SLC6A2: variants seen among roughly 807,000 people sequenced by gnomAD.
SLC6A2 encodes solute carrier family 6 member 2.
In SLC6A2, 26 loss-of-function variants were observed where a neutral mutation model predicts 71.7. The ratio of observed to expected loss-of-function variants is 0.36; its 90% CI spans 0.27 to 0.50. The LOEUF (loss-of-function observed/expected upper bound fraction) is 0.50. Among genes scored for constraint, SLC6A2 ranks in the 20% least tolerant of loss-of-function variants. SLC6A2 has a pLI of 0.96. For synonymous variants in SLC6A2, 363 were observed against 337.9 expected, an observed-to-expected ratio of 1.07 and a Z score of -0.82; for missense variants, 581 against 803.9, an observed-to-expected ratio of 0.72 and a Z score of 3.35.
At chr16:55,700,797 T>C (rs1965950243) in intron 13 of SLC6A2, among the ~76,000 whole-genome samples, 1 of 152,222 alleles carries the variant, frequency 6.6e-6, no homozygotes, top group South Asian at 2.1e-4. Flanking sequence ...TTTCTTTCTA[T>C]GCATTCTGCA....
At chr16:55,664,924 A>G (rs1432383426) in intron 2 of SLC6A2, among the ~76,000 whole-genome samples, 1 of 152,074 alleles carries the variant, frequency 6.6e-6, no homozygotes, top group South Asian at 2.1e-4. Context: ...CAATACCCGG[A>G]CGGTGGAATT....
intron 9 of SLC6A2, among the ~76,000 whole-genome samples, chr16:55,697,622 T>A (rs2142615766): frequency 1.3e-5 from 2 of 152,272 alleles, no homozygotes; most frequent in East Asian, 3.9e-4. Flanking sequence ...TCAGGCTGAG[T>A]GAGTGTCAGG....
rs573904753 is a variant in SLC6A2 at position 55,702,405 on chromosome 16, T to C, written c.*59T>C. On this transcript the variant is annotated 3_prime_UTR_variant, in exon 15 of 15. Transcript: ENST00000568943. ...CAATGTCCAGGTCACAGGCATCCGCTGCGCTCCCACCTCGGACACCATCTT... is the reference window on the plus strand; with the variant it reads ...CAATGTCCAGGTCACAGGCATCCGCCGCGCTCCCACCTCGGACACCATCTT... 2.5e-6 allele frequency: 4 copies of C among 1,614,060 alleles called. No individual in the cohort carries two copies. Among genetic ancestry groups the C allele is most frequent in the Non-Finnish European group, 3.4e-6 (4 of 1,179,976 alleles).
intron 2 of SLC6A2, among the ~76,000 whole-genome samples, chr16:55,668,391 TG>T (rs1964812512): frequency 6.6e-6 from 1 of 152,228 alleles, no homozygotes; most frequent in African/African-American, 2.4e-5. Context: ...TGTGAGCTGC[TG>T]GTATCCATTG....
At chr16:55,668,333 G>A (rs2142505673) in intron 2 of SLC6A2, among the ~76,000 whole-genome samples, 1 of 152,302 alleles carries the variant, frequency 6.6e-6, no homozygotes, top group Middle Eastern at 3.4e-3. Flanking sequence ...TGATCTTTGT[G>A]GTGAGGATTG....
At chr16:55,687,586 C>A (rs1965495529) in intron 5 of SLC6A2, among the ~76,000 whole-genome samples, 1 of 152,114 alleles carries the variant, frequency 6.6e-6, no homozygotes, top group Non-Finnish European at 1.5e-5. Flanking sequence ...TTCCTGGGTA[C>A]CAGGAGCAGA....
At chr16:55,688,021 G>T (rs879863550) in intron 5 of SLC6A2, among the ~76,000 whole-genome samples, 2 of 152,240 alleles carry the variant, frequency 1.3e-5, no homozygotes, top group Non-Finnish European at 2.9e-5. Context: ...CCCACATTTT[G>T]CATAAGTCCC....
At chr16:55,686,806 G>T (rs1057087439) in intron 5 of SLC6A2, among the ~76,000 whole-genome samples, 1 of 152,208 alleles carries the variant, frequency 6.6e-6, no homozygotes, top group Non-Finnish European at 1.5e-5. Context: ...CTTGGAGAAA[G>T]TCTAGCGTTG....
At chr16:55,698,708 C>T (rs36009) in intron 11 of SLC6A2, 140 bp downstream of exon 11, 62,482 of 712,680 alleles carry the variant, frequency 0.088, 2,991 homozygotes, top group East Asian at 0.17. Flanking sequence ...GAACAAATCT[C>T]AATCCTCGGC....
chr16:55,662,631 G>A (rs1016038606), intron 2 of SLC6A2, among the ~76,000 whole-genome samples: 3 of 152,182 alleles, frequency 2.0e-5, no homozygotes, highest in African/African-American at 7.2e-5. Flanking sequence ...AATCTTCACA[G>A]AGATTTTACT....
chr16:55,691,939 C>A lies in SLC6A2; in HGVS notation c.805C>A (p.Leu269Met). 6.2e-7 allele frequency: 1 copy of A among 1,614,128 alleles called. No homozygotes were observed. Among genetic ancestry groups the A allele is most frequent in the East Asian group, 2.2e-5 (1 of 44,862 alleles). ...SGKVVWITAT[L>M]PYFVLFVLLV... ...CCAGGTGGTGTGGATCACAGCCACGCTGCCTTACTTCGTGCTGTTCGTGCT... is the reference window on the plus strand; with the variant it reads ...CCAGGTGGTGTGGATCACAGCCACGATGCCTTACTTCGTGCTGTTCGTGCT... The change falls in exon 6 of 15, where the codon CTG (leucine) becomes ATG (methionine). Residue 269 changes from leucine to methionine, a missense_variant. By Grantham distance (15) the Leu-to-Met change is conservative (BLOSUM62 2). This residue lies in a region of SLC6A2 where 334 missense variants were observed against 449.0 expected (regional missense o/e 0.74). Coordinates refer to ENST00000568943, the MANE Select transcript of SLC6A2 (RefSeq NM_001172501.3).
rs117353829 is a variant in SLC6A2 at position 55,701,731 on chromosome 16, C to T, written c.1759-132C>T. On this transcript the variant is annotated intron_variant, in intron 13 of 14. Coordinates refer to ENST00000568943, the MANE Select transcript of SLC6A2 (RefSeq NM_001172501.3). ...CAAACAAAGCTGGAGGTGTCTTGTA[C>T]AGACCCCAAATGCTATCCATGTGGG... 748 of 753,594 alleles carry T rather than the reference C, an allele frequency of 9.9e-4. 9 individuals carry two copies. The East Asian group carries it at 0.019, about 19-fold the overall frequency. 46.7% of individuals were successfully genotyped at this position (753,594 alleles called of 1,614,324 possible). A position where few individuals can be genotyped will look rare whatever the true frequency, so the allele number is the denominator to read the frequency against.
chr16:55,691,671 C>T (rs1434787187), intron 5 of SLC6A2, among the ~76,000 whole-genome samples: 3 of 152,128 alleles, frequency 2.0e-5, no homozygotes, highest in South Asian at 2.1e-4. Flanking sequence ...AGTGCTATCC[C>T]CACTGTGGCT....
intron 2 of SLC6A2, among the ~76,000 whole-genome samples, chr16:55,668,954 G>T (rs1964827097): frequency 6.6e-6 from 1 of 152,172 alleles, no homozygotes; most frequent in Non-Finnish European, 1.5e-5. Context: ...CCCTCAGTTT[G>T]CCCTGGGGGT....
At chr16:55,657,088 C>G (rs1387981513) in intron 2 of SLC6A2, 120 bp downstream of exon 2, 1 of 1,129,624 alleles carries the variant, frequency 8.9e-7, no homozygotes, top group South Asian at 1.4e-5. Context: ...AAATCTGGGG[C>G]GCAGAAAGAA....
At chr16:55,681,682 C>T (rs1192810042) in intron 4 of SLC6A2, among the ~76,000 whole-genome samples, 1 of 152,204 alleles carries the variant, frequency 6.6e-6, no homozygotes, top group Non-Finnish European at 1.5e-5. Flanking sequence ...AGTAAGTTTC[C>T]AGACTCAGGG....
chr16:55,700,872 TACAC>T (rs554764874), intron 13 of SLC6A2, among the ~76,000 whole-genome samples: 1 of 151,918 alleles, frequency 6.6e-6, no homozygotes, highest in African/African-American at 2.4e-5. Context: ...CATGTATATA[TACAC>T]ACACACACAC....
In SLC6A2 at chr16:55,702,459, C is replaced by T. The variant is rs1966002870; in HGVS notation, c.*113C>T. On this transcript the variant is annotated 3_prime_UTR_variant, in exon 15 of 15. Coordinates refer to ENST00000568943, the MANE Select transcript of SLC6A2 (RefSeq NM_001172501.3). ...ATTCCTCCCCTGGAAGTTGTCCTTT[C>T]TGATCCTCTCTTCTTTTCCCATTTA... The T allele has an allele frequency of 3.8e-6, 6 of 1,594,482 alleles. No individual in the cohort carries two copies. Among genetic ancestry groups the T allele is most frequent in the Non-Finnish European group, 5.1e-6 (6 of 1,169,912 alleles).
intron 2 of SLC6A2, among the ~76,000 whole-genome samples, chr16:55,667,755 C>A (rs1401810164): frequency 6.6e-6 from 1 of 151,924 alleles, no homozygotes; most frequent in East Asian, 1.9e-4. Context: ...CCCAGATCCC[C>A]CATTTCAGAA....
Sources: allele counts gnomAD v4.1 joint callset (sites outside exome capture counted in the v4.1 genomes callset), GRCh38; gene constraint gnomAD v4.1.1; regional missense constraint gnomAD v4.1.1; transcripts MANE v1.5; gene names NCBI Gene and HGNC (gene_info 2026-07-23, HGNC 2026-07-21).